Variants in TAFA2 observed in about 807,000 individuals in gnomAD.
The protein encoded by TAFA2 is TAFA chemokine like family member 2.
A neutral mutation model predicts 18.8 loss-of-function variants in TAFA2; 7 were observed. The observed-to-expected ratio is 0.37, with a 90% CI of 0.21 to 0.70. The LOEUF (loss-of-function observed/expected upper bound fraction) is 0.70, where lower values mean the gene tolerates loss of function less well. Ranked by LOEUF, TAFA2 falls within the 30% of genes least tolerant of loss-of-function variation. TAFA2 has a pLI of 0.53. For synonymous variants in TAFA2, 60 were observed against 54.2 expected (o/e 1.11, Z -0.47); for missense variants, 122 against 158.1 (o/e 0.77, Z 1.23).
chr12:61,818,548 G>A (rs1436553430), intron 2 of TAFA2, among the ~76,000 whole-genome samples: 9 of 150,212 alleles, frequency 6.0e-5, no homozygotes, highest in Admixed American at 6.0e-4. Context: ...AAGTGCTATT[G>A]TATACCCATG....
chr12:61,838,618 T>C (rs1009563651), intron 2 of TAFA2, among the ~76,000 whole-genome samples: 1 of 152,016 alleles, frequency 6.6e-6, no homozygotes, highest in Non-Finnish European at 1.5e-5. Context: ...AATTTTCATA[T>C]TCATCCTACT....
At chr12:62,068,777 G>C (rs1882555653) in intron 1 of TAFA2, among the ~76,000 whole-genome samples, 1 of 152,060 alleles carries the variant, frequency 6.6e-6, no homozygotes, top group South Asian at 2.1e-4. Context: ...CCATTGTCAA[G>C]AATCACTGGG....
intron 1 of TAFA2, among the ~76,000 whole-genome samples, chr12:61,871,477 A>G (rs1292116265): frequency 3.3e-5 from 5 of 152,252 alleles, no homozygotes; most frequent in Non-Finnish European, 1.5e-5. Flanking sequence ...TGAAAACGGC[A>G]AAATTTAAGT....
intron 2 of TAFA2, among the ~76,000 whole-genome samples, chr12:61,857,685 G>T (rs1190720959): frequency 6.6e-6 from 1 of 152,116 alleles, no homozygotes; most frequent in Non-Finnish European, 1.5e-5. Context: ...TGAAGTTCTA[G>T]GCTCTTCCTA....
At chr12:61,973,643 G>A (rs1879333304) in intron 1 of TAFA2, among the ~76,000 whole-genome samples, 1 of 151,482 alleles carries the variant, frequency 6.6e-6, no homozygotes, top group African/African-American at 2.4e-5. Context: ...AGCTCCCCAG[G>A]TGAGTCCAAT....
intron 1 of TAFA2, among the ~76,000 whole-genome samples, chr12:62,131,831 C>T (rs1870697893): frequency 6.6e-6 from 1 of 151,988 alleles, no homozygotes; most frequent in African/African-American, 2.4e-5. Flanking sequence ...AGCCAAACCA[C>T]TATTCCCCAT....
chr12:62,125,936 G>T (rs1044616449), intron 1 of TAFA2, among the ~76,000 whole-genome samples: 1 of 152,038 alleles, frequency 6.6e-6, no homozygotes, highest in African/African-American at 2.4e-5. Context: ...TTAACTCAGT[G>T]CTTGGCATAT....
intron 1 of TAFA2, among the ~76,000 whole-genome samples, chr12:62,129,434 A>G (rs1870593573): frequency 6.6e-6 from 1 of 152,040 alleles, no homozygotes; most frequent in Admixed American, 6.6e-5. Flanking sequence ...GCCTCTTCAG[A>G]TAACTATACC....
rs531801774 is a variant in TAFA2 at position 62,064,852 on chromosome 12, C to T, written c.-2+126407G>A. Among the ~76,000 whole-genome samples, 8 of 152,054 alleles carry T rather than the reference C, an allele frequency of 5.3e-5. 1 individual carries two copies. The South Asian group carries it at 1.7e-3, about 32-fold the overall frequency. ...CATATAATCCTCAGAACTTCCAATA[C>T]CTATTACTGTAGGAATACCACTAAC... On this transcript the variant is annotated intron_variant, in intron 1 of 4. Transcript: ENST00000416284.
At chr12:61,766,228 G>A (rs574660883) in intron 2 of TAFA2, among the ~76,000 whole-genome samples, 1 of 152,110 alleles carries the variant, frequency 6.6e-6, no homozygotes, top group South Asian at 2.1e-4. Context: ...AATCATTTGT[G>A]GCTCTTCATT....
chr12:61,972,638 T>C (rs564550004), intron 1 of TAFA2, among the ~76,000 whole-genome samples: 1 of 151,722 alleles, frequency 6.6e-6, no homozygotes, highest in South Asian at 2.1e-4. Flanking sequence ...ATGAAGAATC[T>C]GTACTGGAAA....
chr12:62,147,827 C>T (rs2062298146), intron 1 of TAFA2, among the ~76,000 whole-genome samples: 1 of 150,632 alleles, frequency 6.6e-6, no homozygotes, highest in Non-Finnish European at 1.5e-5. Context: ...TGACAAGGGA[C>T]TAATATCCAG....
At chr12:62,254,654 C>T (rs1300583004) in intron 1 of TAFA2, among the ~76,000 whole-genome samples, 1 of 152,112 alleles carries the variant, frequency 6.6e-6, no homozygotes, top group Non-Finnish European at 1.5e-5. Context: ...TTTATGAAAT[C>T]ACTAGACTTG....
At chr12:61,876,118 TAATGCAAATAATAAGGCTTTTATC>T (rs1488384733) in intron 1 of TAFA2, among the ~76,000 whole-genome samples, 16 of 152,198 alleles carry the variant, frequency 1.1e-4, no homozygotes, top group African/African-American at 3.9e-4. Flanking sequence ...AAGACTTTTA[TAATGCAAATAATAAGGCTTTTATC>T]AATGCAAATA....
intron 1 of TAFA2, among the ~76,000 whole-genome samples, chr12:62,069,579 T>C (rs1486625927): frequency 6.6e-6 from 1 of 152,150 alleles, no homozygotes; most frequent in Non-Finnish European, 1.5e-5. Context: ...AACCTTATAA[T>C]AACACTAGCT....
At chr12:61,715,706 G>C (rs1869625335) in intron 4 of TAFA2, among the ~76,000 whole-genome samples, 2 of 149,638 alleles carry the variant, frequency 1.3e-5, no homozygotes. Context: ...CCAGGAGTTT[G>C]AGACCAGCCC....
At chr12:62,066,311 C>A (rs1455500002) in intron 1 of TAFA2, among the ~76,000 whole-genome samples, 1 of 151,832 alleles carries the variant, frequency 6.6e-6, no homozygotes, top group East Asian at 1.9e-4. Context: ...TTTAGTTATT[C>A]TTAAGTGTCC....
intron 1 of TAFA2, among the ~76,000 whole-genome samples, chr12:62,053,561 A>G (rs537148774): frequency 6.6e-6 from 1 of 152,336 alleles, no homozygotes; most frequent in African/African-American, 2.4e-5. Flanking sequence ...TGAAATACGT[A>G]TTGTTTACTA....
At chr12:62,243,730 G>A (rs756900920) in intron 1 of TAFA2, among the ~76,000 whole-genome samples, 8 of 152,170 alleles carry the variant, frequency 5.3e-5, no homozygotes, top group African/African-American at 1.4e-4. Context: ...GTTAAGACAC[G>A]AAAATGTCAT....
Sources: gnomAD v4.1 joint callset for allele counts (sites outside exome capture counted in the v4.1 genomes callset) on GRCh38, gnomAD v4.1.1 for gene constraint, MANE v1.5 for transcripts, NCBI Gene and HGNC (gene_info 2026-07-23, HGNC 2026-07-21) for gene names.